COL24A1: variants seen among roughly 807,000 people sequenced by gnomAD.
The protein encoded by COL24A1 is collagen alpha-1(XXIV) chain.
Under a neutral mutation model 253.9 loss-of-function variants are expected in COL24A1, and 224 were observed. The observed-to-expected ratio is 0.88, with a 90% CI of 0.79 to 0.99. The LOEUF is 0.99. Among genes scored for constraint, COL24A1 ranks in the 50% least tolerant of loss-of-function variants. The pLI is 0.00. For missense variants in COL24A1, 2,131 were observed against 2,068.5 expected, an observed-to-expected ratio of 1.03 and a Z score of -0.59; for synonymous variants, 685 against 673.7, an observed-to-expected ratio of 1.02 and a Z score of -0.26.
At chr1:85,997,458 T>C (rs68085049) in intron 19 of COL24A1, among the ~76,000 whole-genome samples, 14,437 of 152,054 alleles carry the variant, frequency 0.095, 1,259 homozygotes, top group East Asian at 0.42. Context: ...AATTACAGTA[T>C]TCCTATTCCA....
intron 10 of COL24A1, among the ~76,000 whole-genome samples, chr1:86,055,208 G>C (rs1298415093): frequency 6.6e-6 from 1 of 152,140 alleles, no homozygotes; most frequent in Non-Finnish European, 1.5e-5. Flanking sequence ...TCACTGCTTT[G>C]ACAACAGGAT....
At chr1:86,084,064 A>G (rs1702871847) in intron 7 of COL24A1, among the ~76,000 whole-genome samples, 1 of 152,172 alleles carries the variant, frequency 6.6e-6, no homozygotes, top group Admixed American at 6.5e-5. Flanking sequence ...CATGTCACCA[A>G]TGCATTGAGG....
intron 24 of COL24A1, among the ~76,000 whole-genome samples, chr1:85,958,331 T>G (rs1690689885): frequency 6.6e-6 from 1 of 152,154 alleles, no homozygotes; most frequent in Admixed American, 6.5e-5. Flanking sequence ...CTCTCATCTA[T>G]TGATCTAAAA....
chr1:85,879,322 A>G (rs532111792), intron 32 of COL24A1, among the ~76,000 whole-genome samples: 6 of 151,980 alleles, frequency 3.9e-5, no homozygotes, highest in African/African-American at 1.2e-4. Context: ...GCATGTGGAT[A>G]TCTATTTGTT....
At chr1:86,119,329 C>G (rs189266134) in intron 3 of COL24A1, among the ~76,000 whole-genome samples, 6 of 115,678 alleles carry the variant, frequency 5.2e-5, no homozygotes, top group Non-Finnish European at 8.5e-5. Context: ...ACATATTAGT[C>G]TTGAAAATCC....
intron 7 of COL24A1, among the ~76,000 whole-genome samples, chr1:86,069,550 G>C (rs1184726540): frequency 6.6e-6 from 1 of 152,162 alleles, no homozygotes; most frequent in African/African-American, 2.4e-5. Context: ...ATGAAGGGAA[G>C]GGCTTTGGGT....
rs536951647 is a variant in COL24A1, at chr1:86,092,972, G to T, written c.1600-652C>A. On this transcript the variant is annotated intron_variant, in intron 5 of 59. Transcript: ENST00000370571. ...TATTTTTATGATGCATAGTAGCAAA[G>T]TAACTCTTTTTCAAACAATTTGTCA... Among the ~76,000 whole-genome samples the T allele has an allele frequency of 2.6e-5, 4 of 152,066 alleles. No individual in the cohort carries two copies. The East Asian group carries it at 7.7e-4, about 29-fold the overall frequency.
intron 24 of COL24A1, among the ~76,000 whole-genome samples, chr1:85,955,843 CTT>C (rs549003271): frequency 1.3e-5 from 2 of 152,216 alleles, no homozygotes; most frequent in Non-Finnish European, 2.9e-5. Flanking sequence ...CTTTCAAAGT[CTT>C]TCCTATTTCT....
At chr1:85,998,815 C>T (rs1020776737) in intron 19 of COL24A1, among the ~76,000 whole-genome samples, 3 of 152,122 alleles carry the variant, frequency 2.0e-5, no homozygotes, top group Admixed American at 6.5e-5. Flanking sequence ...TGCAACCTAC[C>T]GCATATGCAA....
rs745473248 is a variant in COL24A1, at chr1:85,841,245, G to A, written c.3604C>T (p.Pro1202Ser). 6.2e-7 allele frequency: 1 copy of A among 1,604,062 alleles called. No homozygotes were observed. The highest frequency in any genetic ancestry group is 8.5e-7 in the Non-Finnish European group (1 of 1,176,202). ...YPGEDSTVLG[P>S]PGPRGEPGPV... ...ACTGGTTCACCTCGAGGCCCAGGTG[G>A]TCCTAGGACTGTGCTATCTTCTCCT... is the stretch of plus-strand genomic sequence containing the variant. Residue 1202 changes from proline (P) to serine (S), a missense_variant, in exon 42 of 60, where the codon CCA becomes TCA. Coordinates refer to ENST00000370571, the MANE Select transcript of COL24A1 (RefSeq NM_152890.7).
At chr1:85,853,627 G>T (rs148878981) in intron 37 of COL24A1, among the ~76,000 whole-genome samples, 3 of 152,056 alleles carry the variant, frequency 2.0e-5, no homozygotes, top group African/African-American at 7.2e-5. Flanking sequence ...AACTTCACCA[G>T]CATGTTATTT....
chr1:85,863,423 T>A (rs1441856807), intron 37 of COL24A1, among the ~76,000 whole-genome samples: 1 of 152,140 alleles, frequency 6.6e-6, no homozygotes, highest in Non-Finnish European at 1.5e-5. Context: ...TAGACTTCAA[T>A]GTTAGATCTA....
chr1:86,077,194 A>G (rs189375067), intron 7 of COL24A1, among the ~76,000 whole-genome samples: 1 of 152,348 alleles, frequency 6.6e-6, no homozygotes, highest in Admixed American at 6.5e-5. Flanking sequence ...CTATGAACAG[A>G]GACTTCTCAA....
intron 20 of COL24A1, among the ~76,000 whole-genome samples, chr1:85,974,394 T>C (rs1428828026): frequency 6.6e-6 from 1 of 152,152 alleles, no homozygotes. Context: ...GGTTATACTA[T>C]AAAATGTAAA....
chr1:85,745,850 A>G (rs934825183), intron 55 of COL24A1, among the ~76,000 whole-genome samples: 1 of 152,204 alleles, frequency 6.6e-6, no homozygotes, highest in Non-Finnish European at 1.5e-5. Flanking sequence ...AATAAATTGT[A>G]AAGTGAAGAA....
chr1:85,997,259 C>T (rs12407100), intron 19 of COL24A1, among the ~76,000 whole-genome samples: 57,913 of 150,066 alleles, frequency 0.39, 11,630 homozygotes, highest in East Asian at 0.58. Context: ...TAGGCAAAGG[C>T]ACGTTTAAAA....
chr1:86,094,537 C>T (rs1297215289), intron 5 of COL24A1, among the ~76,000 whole-genome samples: 1 of 151,928 alleles, frequency 6.6e-6, no homozygotes, highest in African/African-American at 2.4e-5. Flanking sequence ...GGCTCAATAC[C>T]TGGGTGATGA....
chr1:85,823,217 T>C (rs190026405), intron 45 of COL24A1, among the ~76,000 whole-genome samples: 50 of 152,326 alleles, frequency 3.3e-4, no homozygotes, highest in Non-Finnish European at 6.6e-4. Context: ...CTTATAATAC[T>C]AGTTTTAAGG....
In COL24A1 at chr1:85,958,668, T is replaced by C. The variant is rs1016380305; in HGVS notation, c.2562+2581A>G. On this transcript the variant is annotated intron_variant, in intron 24 of 59. Transcript: ENST00000370571. ...CCTTATAATGTCTATCCACTGATCC[T>C]AATATTGGTCTTTTGGCCAATAGTG... Among the ~76,000 whole-genome samples, 3 of 152,164 alleles carry C rather than the reference T, an allele frequency of 2.0e-5. No homozygotes were observed. The South Asian group carries it at 6.2e-4, about 31-fold the overall frequency.
Sources: gnomAD v4.1 joint callset for allele counts (sites outside exome capture counted in the v4.1 genomes callset) on GRCh38, gnomAD v4.1.1 for gene constraint, MANE v1.5 for transcripts, NCBI Gene and HGNC (gene_info 2026-07-23, HGNC 2026-07-21) for gene names.